SYF2: variants seen among roughly 807,000 people sequenced by gnomAD.
The protein encoded by SYF2 is pre-mRNA-splicing factor SYF2.
Under a neutral mutation model 32.7 loss-of-function variants are expected in SYF2, and 21 were observed. The observed-to-expected ratio is 0.64, with a 90% CI of 0.45 to 0.92. SYF2 has a LOEUF of 0.92. Among genes scored for constraint, SYF2 ranks in the 40% least tolerant of loss-of-function variants. SYF2 has a pLI of 0.00. For missense variants in SYF2, 278 were observed against 296.5 expected, an observed-to-expected ratio of 0.94 and a Z score of 0.46; for synonymous variants, 114 against 103.9, an observed-to-expected ratio of 1.10 and a Z score of -0.59.
Position 25,222,287 on chromosome 1 carries a change from G to A in SYF2, c.*979C>T, listed in dbSNP as rs918761612. On this transcript the variant is annotated 3_prime_UTR_variant, in exon 7 of 7. Transcript: ENST00000236273. ...TTAAAATATCCCAATTAGATATTTA[G>A]CATTTAATTCAACATAGAGAAAAAA... 6.6e-6 allele frequency among the ~76,000 whole-genome samples: 1 copy of A among 152,068 alleles called. No individual in the cohort carries two copies. The highest frequency in any genetic ancestry group is 2.4e-5 in the African/African-American group (1 of 41,408).
intron 3 of SYF2, 105 bp downstream of exon 3, chr1:25,228,893 T>C: frequency 7.2e-7 from 1 of 1,394,794 alleles, no homozygotes; most frequent in Non-Finnish European, 9.7e-7. Context: ...ATTTCAATTC[T>C]GGCAGCTTGG....
rs1312003047 is a variant in SYF2 at position 25,222,437 on chromosome 1, C to G, written c.*829G>C. Reference sequence around the variant, plus strand: ...AATAATTATAGATGAAATTATATATCTAGTATATGCGTCAAAATAAGAGTC... The same window carrying G: ...AATAATTATAGATGAAATTATATATGTAGTATATGCGTCAAAATAAGAGTC... On this transcript the variant is annotated 3_prime_UTR_variant, in exon 7 of 7. Coordinates refer to ENST00000236273, the MANE Select transcript of SYF2 (RefSeq NM_015484.5). Among the ~76,000 whole-genome samples the G allele has an allele frequency of 6.6e-6, 1 of 151,092 alleles. No homozygotes were observed. Among genetic ancestry groups the G allele is most frequent in the Non-Finnish European group, 1.5e-5 (1 of 67,904 alleles).
chr1:25,226,010 T>C lies in SYF2; in HGVS notation c.468-910A>G, dbSNP rs554136630. ...ATCTCTACTAAAAATACAAAAAAAT[T>C]AGCCAGGCGTGGTGGCGGGCACCTG... is the stretch of plus-strand genomic sequence containing the variant. On this transcript the variant is annotated intron_variant, in intron 5 of 6. Coordinates refer to ENST00000236273, the MANE Select transcript of SYF2 (RefSeq NM_015484.5). 2.6e-3 allele frequency among the ~76,000 whole-genome samples: 394 copies of C among 151,526 alleles called. 1 individual carries two copies. Among genetic ancestry groups the C allele is most frequent in the Non-Finnish European group, 4.6e-3 (315 of 67,890 alleles).
chr1:25,232,182 G>A lies in SYF2; in HGVS notation c.54C>T (p.Ser18=), dbSNP rs1053131886. The A allele has an allele frequency of 6.2e-7, 1 of 1,613,822 alleles. No homozygotes were observed. The highest frequency in any genetic ancestry group is 8.5e-7 in the Non-Finnish European group (1 of 1,180,026). Residue 18 remains serine (S), a synonymous_variant, in exon 2 of 7, where the codon TCC becomes TCT. Coordinates refer to ENST00000236273, the MANE Select transcript of SYF2 (RefSeq NM_015484.5). ...EVLVDSAEEG[S]LAAAAELAAQ... ...CGGCCAGCTCCGCCGCCGCAGCGAGGGACCCCTCCTCCGCGCTGTCCACCA... is the reference window on the plus strand; with the variant it reads ...CGGCCAGCTCCGCCGCCGCAGCGAGAGACCCCTCCTCCGCGCTGTCCACCA...
intron 6 of SYF2, among the ~76,000 whole-genome samples, chr1:25,224,760 C>A (rs1234376524): frequency 1.3e-5 from 2 of 152,036 alleles, no homozygotes. Flanking sequence ...TTAGACCTTT[C>A]CCCTTCAATA....
chr1:25,224,665 A>G (rs753778390), intron 6 of SYF2, among the ~76,000 whole-genome samples: 6 of 152,336 alleles, frequency 3.9e-5, no homozygotes, highest in East Asian at 3.9e-4. Context: ...AACCTAAGCG[A>G]GGAACATTTA....
intron 5 of SYF2, 111 bp from the exon 6 acceptor site, chr1:25,225,211 G>T: frequency 1.4e-6 from 1 of 718,132 alleles, no homozygotes; most frequent in Non-Finnish European, 2.4e-6. Context: ...TTTACTGTGA[G>T]ATCCTACTTT....
At chr1:25,228,952 C>T (rs765507595) in intron 3 of SYF2, 46 bp downstream of exon 3, 3 of 1,593,302 alleles carry the variant, frequency 1.9e-6, no homozygotes, top group Admixed American at 3.6e-5. Context: ...CTTGATACAA[C>T]AGAATGATTG....
At chr1:25,232,042 T>C (rs1362740646) in intron 2 of SYF2, 62 bp downstream of exon 2, 1 of 1,535,170 alleles carries the variant, frequency 6.5e-7, no homozygotes, top group Non-Finnish European at 8.9e-7. Flanking sequence ...CCTCGTCCCC[T>C]CTACAAAAGC....
At chr1:25,226,065 T>C (rs1638505187) in intron 5 of SYF2, among the ~76,000 whole-genome samples, 1 of 151,660 alleles carries the variant, frequency 6.6e-6, no homozygotes, top group Admixed American at 6.6e-5. Context: ...GAAGAATCAC[T>C]TGAACCCAGG....
intron 6 of SYF2, among the ~76,000 whole-genome samples, chr1:25,223,658 G>A (rs1376162457): frequency 6.6e-6 from 1 of 152,138 alleles, no homozygotes; most frequent in African/African-American, 2.4e-5. Flanking sequence ...GAATGCTAGA[G>A]CGATGACTCA....
intron 5 of SYF2, among the ~76,000 whole-genome samples, chr1:25,225,607 C>T (rs1409657347): frequency 1.3e-5 from 2 of 152,066 alleles, no homozygotes; most frequent in Non-Finnish European, 2.9e-5. Context: ...CGCCTGTAAT[C>T]CCAGCACTTT....
In SYF2 at chr1:25,223,072, T is replaced by C. The variant is rs201219608; in HGVS notation, c.*194A>G. The C allele has an allele frequency of 2.5e-5, 12 of 472,000 alleles. No homozygotes were observed. The East Asian group carries it at 3.3e-4, about 13-fold the overall frequency. The allele number at this position is 472,000 out of a possible 1,614,324, so 29.2% of individuals were successfully genotyped here. Reference sequence around the variant, plus strand: ...TTCACTACAAGAAATACATCTTATATCCAAGCACAAAAATGTGGAAATATA... The same window carrying C: ...TTCACTACAAGAAATACATCTTATACCCAAGCACAAAAATGTGGAAATATA... On this transcript the variant is annotated 3_prime_UTR_variant, in exon 7 of 7. Transcript: ENST00000236273.
rs1396260741 is a variant in SYF2, at chr1:25,229,774, CAAA to C, written c.133-654_133-652del. On this transcript the variant is annotated intron_variant, in intron 2 of 6. Coordinates refer to ENST00000236273, the MANE Select transcript of SYF2 (RefSeq NM_015484.5). ...TGGGTGACAGAGCGAGACTCCATCTCAAAAAAAAAAAAAAAAATTACGTCACAT... is the reference window on the plus strand; with the variant it reads ...TGGGTGACAGAGCGAGACTCCATCTCAAAAAAAAAAAAAATTACGTCACAT... Among the ~76,000 whole-genome samples, 11 of 87,516 alleles carry C rather than the reference CAAA, an allele frequency of 1.3e-4. No individual in the cohort carries two copies. The South Asian group carries it at 2.3e-3, about 18-fold the overall frequency. 57.4% of individuals were successfully genotyped at this position (87,516 alleles called of 152,430 possible). A position where few individuals can be genotyped will look rare whatever the true frequency, so the allele number is the denominator to read the frequency against.
At position 25,223,127 on chromosome 1, in the gene SYF2, A is replaced by C; in HGVS notation, c.*139T>G. On this transcript the variant is annotated 3_prime_UTR_variant, in exon 7 of 7. Coordinates refer to ENST00000236273, the MANE Select transcript of SYF2 (RefSeq NM_015484.5). ...AAAGGATATACGTTTAAGAAACCACATTTTTATTTCTAAATGCTGAGTGAG... is the reference window on the plus strand; with the variant it reads ...AAAGGATATACGTTTAAGAAACCACCTTTTTATTTCTAAATGCTGAGTGAG... The C allele has an allele frequency of 1.3e-6, 1 of 757,292 alleles. No individual in the cohort carries two copies. The allele number at this position is 757,292 out of a possible 1,614,324, so 46.9% of individuals were successfully genotyped here.
In SYF2 at chr1:25,224,985, C is replaced by T. The variant is rs373305169; in HGVS notation, c.566+17G>A. The T allele has an allele frequency of 2.6e-6, 4 of 1,563,452 alleles. No homozygotes were observed. The highest frequency in any genetic ancestry group is 3.5e-6 in the Non-Finnish European group (4 of 1,134,080). On this transcript the variant is annotated intron_variant, in intron 6 of 6. Transcript: ENST00000236273. The stretch of plus-strand genomic sequence containing the variant: ...ATGAAGTATTTACAACGTCAAGCTG[C>T]TCTACTGAATACTTACTGTTTTTCC...
rs1260258384 is a variant in SYF2 at position 25,225,097 on chromosome 1, T to A, written c.471A>T (p.Gly157=). 1.2e-6 allele frequency: 2 copies of A among 1,612,710 alleles called. No individual in the cohort carries two copies. Among genetic ancestry groups the A allele is most frequent in the South Asian group, 1.1e-5 (1 of 91,046 alleles). ...TATTGGATGTTGGGAAAAACTCTTCTCCACTGAAAAGGCAGCAAAATGAAC... is the reference window on the plus strand; with the variant it reads ...TATTGGATGTTGGGAAAAACTCTTCACCACTGAAAAGGCAGCAAAATGAAC... ...ETYERLREKH[G]EEFFPTSNSL... Residue 157 remains glycine, a synonymous_variant, in exon 6 of 7, where the codon GGA becomes GGT. Transcript: ENST00000236273.
At chr1:25,230,474 C>CGCCTCCTAA (rs1638604133) in intron 2 of SYF2, 1 of 152,178 alleles carries the variant, frequency 6.6e-6, no homozygotes, top group East Asian at 1.9e-4. Context: ...ACATGTGTTC[C>CGCCTCCTAA]TTACACAATC....
chr1:25,231,508 G>C (rs1466289307), intron 2 of SYF2: 1 of 153,990 alleles, frequency 6.5e-6, no homozygotes, highest in Non-Finnish European at 1.4e-5. Context: ...GCACCCCCTG[G>C]AGACCCACAA....
Sources: gnomAD v4.1 joint callset for allele counts (sites outside exome capture counted in the v4.1 genomes callset) on GRCh38, gnomAD v4.1.1 for gene constraint, MANE v1.5 for transcripts, NCBI Gene and HGNC (gene_info 2026-07-23, HGNC 2026-07-21) for gene names.